Variants in CNTNAP2 observed in about 807,000 individuals in gnomAD.
The protein encoded by CNTNAP2 is contactin-associated protein-like 2.
Under a neutral mutation model 155.2 loss-of-function variants are expected in CNTNAP2, and 98 were observed. The observed-to-expected ratio is 0.63, with a 90% CI of 0.54 to 0.75. CNTNAP2 has a LOEUF of 0.75. CNTNAP2 is among the 30% of genes least tolerant of loss of function. The probability of loss-of-function intolerance (pLI) is 0.00; values close to 1 mark genes in which losing one functional copy is unlikely to be tolerated. For missense variants in CNTNAP2, 1,727 were observed against 1,688.1 expected (o/e 1.02, Z -0.40); for synonymous variants, 651 against 631.2 (o/e 1.03, Z -0.47).
At chr7:147,526,561 G>A (rs1395448529) in intron 11 of CNTNAP2, among the ~76,000 whole-genome samples, 2 of 152,178 alleles carry the variant, frequency 1.3e-5, no homozygotes, top group Non-Finnish European at 2.9e-5. Context: ...ATTGCTTGAA[G>A]GAATAATTTT....
intron 2 of CNTNAP2, among the ~76,000 whole-genome samples, chr7:146,808,154 T>C (rs1803001730): frequency 6.6e-6 from 1 of 152,218 alleles, no homozygotes; most frequent in Non-Finnish European, 1.5e-5. Flanking sequence ...TTCTCTAATA[T>C]AATTTATTCA....
At chr7:146,848,265 A>G (rs1794800528) in intron 3 of CNTNAP2, among the ~76,000 whole-genome samples, 1 of 152,198 alleles carries the variant, frequency 6.6e-6, no homozygotes, top group South Asian at 2.1e-4. Flanking sequence ...AGGAATAAGC[A>G]TCAGCATTTG....
intron 13 of CNTNAP2, among the ~76,000 whole-genome samples, chr7:147,703,593 G>C (rs958594346): frequency 6.6e-6 from 1 of 152,130 alleles, no homozygotes; most frequent in Non-Finnish European, 1.5e-5. Context: ...CATAATAGCT[G>C]TATGTATTTA....
At chr7:146,302,862 T>C (rs1474330659) in intron 1 of CNTNAP2, among the ~76,000 whole-genome samples, 5 of 152,202 alleles carry the variant, frequency 3.3e-5, no homozygotes, top group African/African-American at 9.6e-5. Flanking sequence ...ATATTTGTTA[T>C]TCAAACAGGT....
At chr7:147,922,276 A>G (rs1800296301) in intron 14 of CNTNAP2, among the ~76,000 whole-genome samples, 1 of 152,222 alleles carries the variant, frequency 6.6e-6, no homozygotes, top group African/African-American at 2.4e-5. Context: ...ACATTTCTAA[A>G]TGTATGAATT....
chr7:146,714,982 C>T (rs1334240492), intron 1 of CNTNAP2, among the ~76,000 whole-genome samples: 1 of 152,104 alleles, frequency 6.6e-6, no homozygotes, highest in Admixed American at 6.5e-5. Flanking sequence ...TCAGGTAATT[C>T]CTACCCTATG....
chr7:147,636,469 A>G (rs1795182547), intron 12 of CNTNAP2, among the ~76,000 whole-genome samples: 1 of 152,252 alleles, frequency 6.6e-6, no homozygotes, highest in African/African-American at 2.4e-5. Context: ...ATACATGTGC[A>G]GAACGTGCAG....
rs994622166 is a variant in CNTNAP2 at position 146,910,718 on chromosome 7, G to A, written c.402+70814G>A. On this transcript the variant is annotated intron_variant, in intron 3 of 23. Transcript: ENST00000361727. ...ATAAAAACCCTAGAAGAAAACCTAGGCATTACCATTCAGGACATAGGCATG... is the reference window on the plus strand; with the variant it reads ...ATAAAAACCCTAGAAGAAAACCTAGACATTACCATTCAGGACATAGGCATG... 1.9e-3 allele frequency among the ~76,000 whole-genome samples: 284 copies of A among 149,728 alleles called. 8 individuals are homozygous for A. The highest frequency in any genetic ancestry group is 6.3e-3 in the African/African-American group (252 of 39,880).
At chr7:146,313,531 G>A (rs1442800002) in intron 1 of CNTNAP2, among the ~76,000 whole-genome samples, 1 of 152,106 alleles carries the variant, frequency 6.6e-6, no homozygotes, top group African/African-American at 2.4e-5. Flanking sequence ...TTGCTATGCA[G>A]AAGCTGTTTA....
intron 15 of CNTNAP2, among the ~76,000 whole-genome samples, chr7:148,037,752 T>C (rs1802597538): frequency 6.6e-6 from 1 of 152,234 alleles, no homozygotes; most frequent in African/African-American, 2.4e-5. Context: ...CTGTGCCTCA[T>C]TTATAAATTA....
At position 147,323,934 on chromosome 7, in the gene CNTNAP2, G is replaced by T. The variant is rs942810644; in HGVS notation, c.1498+23644G>T. 2.0e-5 allele frequency among the ~76,000 whole-genome samples: 3 copies of T among 151,776 alleles called. No homozygotes were observed. In the East Asian group the frequency reaches 5.8e-4, roughly 29 times the overall value. On this transcript the variant is annotated intron_variant, in intron 9 of 23. Coordinates refer to ENST00000361727, the MANE Select transcript of CNTNAP2 (RefSeq NM_014141.6). ...AATGGACCATTTCCCAAAACATTAG[G>T]ATCTATTAAAAATAATGTGGATGGT...
rs1795162990 is a variant in CNTNAP2, at chr7:148,188,996, T to A, written c.3010+16518T>A. On this transcript the variant is annotated intron_variant, in intron 18 of 23. Coordinates refer to ENST00000361727, the MANE Select transcript of CNTNAP2 (RefSeq NM_014141.6). ...TACTGCAGTAAATGATTTTTGCAAG[T>A]GGCATTTCAATATTTTACATTATTT... 2.6e-5 allele frequency among the ~76,000 whole-genome samples: 4 copies of A among 152,196 alleles called. No individual in the cohort carries two copies. In the South Asian group the frequency reaches 6.2e-4, roughly 24 times the overall value.
At chr7:148,233,386 A>C (rs1481911377) in intron 20 of CNTNAP2, among the ~76,000 whole-genome samples, 1 of 138,576 alleles carries the variant, frequency 7.2e-6, no homozygotes, top group Non-Finnish European at 1.6e-5. Context: ...CACAAAAAGT[A>C]AGTCCCCAAG....
chr7:148,039,111 C>A (rs1375304031), intron 15 of CNTNAP2, among the ~76,000 whole-genome samples: 2 of 152,096 alleles, frequency 1.3e-5, no homozygotes, highest in African/African-American at 4.8e-5. Flanking sequence ...AGCTGGAGAA[C>A]CAGGGAAGCT....
intron 13 of CNTNAP2, among the ~76,000 whole-genome samples, chr7:147,821,994 A>C (rs775522291): frequency 6.2e-4 from 95 of 152,284 alleles, no homozygotes; most frequent in Non-Finnish European, 8.8e-4. Context: ...AAGTTACATC[A>C]CATAAGCCAA....
chr7:147,518,313 A>G (rs964350849), intron 11 of CNTNAP2, among the ~76,000 whole-genome samples: 10 of 152,040 alleles, frequency 6.6e-5, no homozygotes, highest in Non-Finnish European at 1.0e-4. Flanking sequence ...AATTAAGTAG[A>G]AAAAAAAGGA....
chr7:147,881,914 G>A (rs1174762949), intron 13 of CNTNAP2, among the ~76,000 whole-genome samples: 4 of 152,118 alleles, frequency 2.6e-5, no homozygotes, highest in African/African-American at 9.7e-5. Context: ...GGAGGTTGCA[G>A]TGAGCCAAGA....
chr7:147,331,679 A>G (rs934808724), intron 9 of CNTNAP2, among the ~76,000 whole-genome samples: 2 of 152,132 alleles, frequency 1.3e-5, no homozygotes, highest in African/African-American at 4.8e-5. Context: ...TATAGAAGCC[A>G]CCAGAGGAGA....
intron 2 of CNTNAP2, among the ~76,000 whole-genome samples, chr7:146,800,226 A>G (rs10952662): frequency 0.4 from 60,787 of 151,868 alleles, 15,567 homozygotes; most frequent in African/African-American, 0.73. Flanking sequence ...TGAAGTTTCT[A>G]GACAGCTACA....
Sources: allele counts gnomAD v4.1 joint callset (sites outside exome capture counted in the v4.1 genomes callset), GRCh38; gene constraint gnomAD v4.1.1; transcripts MANE v1.5; gene names NCBI Gene and HGNC (gene_info 2026-07-23, HGNC 2026-07-21).